Variants in ADAM12 observed in about 807,000 individuals in gnomAD.
The protein encoded by ADAM12 is ADAM metallopeptidase domain 12.
ADAM12 carries 70 observed loss-of-function variants against 106.4 expected under a neutral mutation model. That is an observed-to-expected ratio of 0.66 (90% CI 0.54 to 0.80). ADAM12 has a LOEUF of 0.80. Ranked by LOEUF, ADAM12 falls within the 30% of genes least tolerant of loss-of-function variation. The pLI, the probability that ADAM12 is intolerant of heterozygous loss-of-function variation, is 0.00. For missense variants in ADAM12, 1,010 were observed against 1,171.9 expected (o/e 0.86, Z 2.02); for synonymous variants, 420 against 433.5 (o/e 0.97, Z 0.39).
chr10:126,220,401 G>A (rs542283003), intron 3 of ADAM12, among the ~76,000 whole-genome samples: 1 of 152,156 alleles, frequency 6.6e-6, no homozygotes, highest in South Asian at 2.1e-4. Context: ...CTTAATGAGG[G>A]TGCTGTGTCA....
At chr10:126,172,742 C>A in intron 3 of ADAM12, among the ~76,000 whole-genome samples, 1 of 152,198 alleles carries the variant, frequency 6.6e-6, no homozygotes, top group Non-Finnish European at 1.5e-5. Context: ...TTTGACCCAG[C>A]AATCCCATTA....
At chr10:126,076,831 G>A (rs1955111400) in intron 11 of ADAM12, among the ~76,000 whole-genome samples, 1 of 152,096 alleles carries the variant, frequency 6.6e-6, no homozygotes, top group Non-Finnish European at 1.5e-5. Flanking sequence ...CTTTGGCTGT[G>A]CAGAAGCTCT....
chr10:126,108,572 A>G (rs567545723), intron 8 of ADAM12, 21 bp downstream of exon 8: 2 of 1,601,260 alleles, frequency 1.2e-6, no homozygotes, highest in African/African-American at 2.7e-5. Flanking sequence ...TGAATGATTT[A>G]ACTACTGAAA....
intron 1 of ADAM12, among the ~76,000 whole-genome samples, chr10:126,335,476 C>T (rs1428173822): frequency 6.6e-6 from 1 of 152,250 alleles, no homozygotes; most frequent in East Asian, 1.9e-4. Context: ...ATTTTTTTAG[C>T]CCCTAAATAT....
chr10:126,297,444 G>A (rs1322120292), intron 2 of ADAM12, among the ~76,000 whole-genome samples: 1 of 152,190 alleles, frequency 6.6e-6, no homozygotes, highest in Non-Finnish European at 1.5e-5. Flanking sequence ...GGCTACTCAG[G>A]AGGCTGAAGC....
chr10:126,026,006 C>T (rs1448307571), intron 21 of ADAM12, among the ~76,000 whole-genome samples: 2 of 152,164 alleles, frequency 1.3e-5, no homozygotes, highest in African/African-American at 4.8e-5. Flanking sequence ...CAATATTCAA[C>T]ATTCTTTAAA....
intron 21 of ADAM12, among the ~76,000 whole-genome samples, chr10:126,027,656 A>T (rs2133384296): frequency 6.6e-6 from 1 of 152,364 alleles, no homozygotes; most frequent in East Asian, 1.9e-4. Context: ...AGTCTTCAAT[A>T]AAATTCACCC....
intron 6 of ADAM12, among the ~76,000 whole-genome samples, chr10:126,115,080 A>G (rs1279668461): frequency 1.3e-5 from 2 of 152,154 alleles, no homozygotes; most frequent in South Asian, 2.1e-4. Context: ...GAGGAAGCAA[A>G]ACAGCACCTC....
Position 126,046,044 on chromosome 10 carries a change from A to G in ADAM12, c.1995+11T>C. 2 of 1,612,972 alleles carry G rather than the reference A, an allele frequency of 1.2e-6. No homozygotes were observed. The highest frequency in any genetic ancestry group is 1.7e-6 in the Non-Finnish European group (2 of 1,178,912). On this transcript the variant is annotated intron_variant, in intron 17 of 22. Transcript: ENST00000448723. Reference sequence around the variant, plus strand: ...TGGGCTGGCTGTAAAAGGGCAGCTCAGCCTACTCACCCCTCTGCCGTGGCA... The same window carrying G: ...TGGGCTGGCTGTAAAAGGGCAGCTCGGCCTACTCACCCCTCTGCCGTGGCA...
intron 2 of ADAM12, among the ~76,000 whole-genome samples, chr10:126,286,119 A>G (rs1959847619): frequency 6.6e-6 from 1 of 152,024 alleles, no homozygotes; most frequent in Admixed American, 6.6e-5. Flanking sequence ...GTAGCTTTGC[A>G]TGGTTGTAGG....
intron 5 of ADAM12, among the ~76,000 whole-genome samples, chr10:126,131,104 C>CTTTTTTTTTTTTT (rs71029289): frequency 8.9e-5 from 9 of 100,934 alleles, no homozygotes; most frequent in African/African-American, 3.4e-4. Context: ...CAGCTGTCTT[C>CTTTTTTTTTTTTT]TTTTTTTTTT....
intron 6 of ADAM12, among the ~76,000 whole-genome samples, chr10:126,113,311 A>G (rs1955904876): frequency 6.6e-6 from 1 of 152,022 alleles, no homozygotes; most frequent in Non-Finnish European, 1.5e-5. Context: ...CATGGCAAGG[A>G]GGTTGAGTGA....
intron 2 of ADAM12, among the ~76,000 whole-genome samples, chr10:126,285,528 T>C (rs1222163431): frequency 6.6e-6 from 1 of 152,234 alleles, no homozygotes; most frequent in Non-Finnish European, 1.5e-5. Context: ...GAAATAGCTC[T>C]TGCTATTTGT....
Position 126,095,974 on chromosome 10 carries a change from C to G in ADAM12, c.997-1841G>C, listed in dbSNP as rs547239829. 2.0e-5 allele frequency among the ~76,000 whole-genome samples: 3 copies of G among 152,284 alleles called. No homozygotes were observed. The East Asian group carries it at 5.8e-4, about 29-fold the overall frequency. On this transcript the variant is annotated intron_variant, in intron 10 of 22. Transcript: ENST00000448723. ...AAAAGTGTGCTCATGTAAGATCTTA[C>G]AGGTTTGTTGACAGTGTTTACAATG...
intron 1 of ADAM12, among the ~76,000 whole-genome samples, chr10:126,341,780 G>A (rs749855141): frequency 3.9e-5 from 6 of 152,344 alleles, no homozygotes; most frequent in South Asian, 4.1e-4. Context: ...CAGCATGTAC[G>A]TGGCTACACA....
Position 126,093,078 on chromosome 10 carries a change from C to T in ADAM12, c.1145+907G>A, listed in dbSNP as rs113653167. The stretch of plus-strand genomic sequence containing the variant: ...GAGCACTTGCCTCTTGCCCCAGTGT[C>T]TCCTTTTGGGAAACCCAGAGAGCAG... On this transcript the variant is annotated intron_variant, in intron 11 of 22. Transcript: ENST00000448723. 7.0e-3 allele frequency among the ~76,000 whole-genome samples: 1,066 copies of T among 152,278 alleles called. 18 individuals are homozygous for T. The highest frequency in any genetic ancestry group is 0.025 in the African/African-American group (1,035 of 41,548).
At chr10:126,082,666 G>A (rs1214099908) in intron 11 of ADAM12, among the ~76,000 whole-genome samples, 1 of 151,984 alleles carries the variant, frequency 6.6e-6, no homozygotes, top group Non-Finnish European at 1.5e-5. Flanking sequence ...CCACCATGCC[G>A]GCCACAACTT....
At chr10:126,117,747 G>T (rs1956010126) in intron 6 of ADAM12, among the ~76,000 whole-genome samples, 1 of 108,984 alleles carries the variant, frequency 9.2e-6, no homozygotes, top group Non-Finnish European at 1.8e-5. Flanking sequence ...TGAGCTTGTG[G>T]GGGTAGAAGT....
At chr10:126,205,214 T>C (rs1957774003) in intron 3 of ADAM12, among the ~76,000 whole-genome samples, 1 of 152,170 alleles carries the variant, frequency 6.6e-6, no homozygotes, top group Non-Finnish European at 1.5e-5. Flanking sequence ...AGGCCACACC[T>C]GAAGCAAGTT....
Sources: gnomAD v4.1 joint callset for allele counts (sites outside exome capture counted in the v4.1 genomes callset) on GRCh38, gnomAD v4.1.1 for gene constraint, MANE v1.5 for transcripts, NCBI Gene and HGNC (gene_info 2026-07-23, HGNC 2026-07-21) for gene names.